The following MOCS2 variants were observed in gnomAD, a reference collection of about 807,000 sequenced individuals.
MOCS2 encodes molybdenum cofactor synthesis 2, also known as molybdopterin synthase catalytic subunit.
MOCS2 carries 13 observed loss-of-function variants against 21.9 expected under a neutral mutation model. The ratio of observed to expected loss-of-function variants is 0.59; its 90% CI spans 0.39 to 0.94. The LOEUF is 0.94. Among genes scored for constraint, MOCS2 ranks in the 40% least tolerant of loss-of-function variants. MOCS2 has a pLI of 0.00. For synonymous variants in MOCS2, 92 were observed against 80.8 expected, an observed-to-expected ratio of 1.14 and a Z score of -0.74; for missense variants, 227 against 218.3, an observed-to-expected ratio of 1.04 and a Z score of -0.25.
chr5:53,107,015 C>T (rs1423668915), intron 3 of MOCS2, 62 bp downstream of exon 3: 51 of 1,583,230 alleles, frequency 3.2e-5, no homozygotes, highest in Admixed American at 5.1e-5. Flanking sequence ...AAACCACATA[C>T]ACTTTATCAT....
chr5:53,109,707 C>A lies in MOCS2; in HGVS notation c.-626G>T. On this transcript the variant is annotated 5_prime_UTR_variant, in exon 1 of 7. In the 5' UTR this introduces an upstream ATG that the reference lacks. Transcript: ENST00000396954. Reference sequence around the variant, plus strand: ...CAGGCCCGCACGCACACCCGCCACCCTTACCTGGCACAGCGGCACCATCCC... The same window carrying A: ...CAGGCCCGCACGCACACCCGCCACCATTACCTGGCACAGCGGCACCATCCC... 1 of 1,553,440 alleles carries A rather than the reference C, an allele frequency of 6.4e-7. No homozygotes were observed.
At chr5:53,106,532 A>T (rs1489286966) in intron 3 of MOCS2, among the ~76,000 whole-genome samples, 1 of 152,160 alleles carries the variant, frequency 6.6e-6, no homozygotes, top group East Asian at 1.9e-4. Context: ...GAAACCATAG[A>T]CACTGGAGCC....
intron 4 of MOCS2, 96 bp downstream of exon 4, chr5:53,102,001 G>A: frequency 7.5e-7 from 1 of 1,328,712 alleles, no homozygotes; most frequent in South Asian, 1.2e-5. Flanking sequence ...TTAAAGTTCA[G>A]TATTTCAAAC....
At chr5:53,099,872 C>T (rs1411005677) in intron 6 of MOCS2, among the ~76,000 whole-genome samples, 1 of 152,186 alleles carries the variant, frequency 6.6e-6, no homozygotes, top group African/African-American at 2.4e-5. Flanking sequence ...TGGGCCTTTT[C>T]ATCCCATCAG....
intron 3 of MOCS2, among the ~76,000 whole-genome samples, chr5:53,106,476 C>T (rs148075025): frequency 1.5e-4 from 23 of 152,226 alleles, no homozygotes; most frequent in Non-Finnish European, 3.2e-4. Context: ...AACGTTCTCA[C>T]TTACAAGTGG....
Position 53,101,373 on chromosome 5 carries a change from C to T in MOCS2, c.363G>A (p.Val121=). Residue 121 remains valine, a synonymous_variant, in exon 5 of 7, where the codon GTG becomes GTA. Transcript: ENST00000396954. ...GGAAATCATACCCAAGTCTATGGAA[C>T]ACTGCTATGTGTTTGACTGGCCATT... ...RQKWPVKHIA[V]FHRLGLVPVS... is the part of the protein sequence containing the mutation. 5.0e-6 allele frequency: 8 copies of T among 1,613,854 alleles called. No homozygotes were observed. In the South Asian group the frequency reaches 8.8e-5, roughly 18 times the overall value.
At chr5:53,098,859 T>C (rs1291767624) in intron 6 of MOCS2, 192 bp from the exon 7 acceptor site, 1 of 603,274 alleles carries the variant, frequency 1.7e-6, no homozygotes, top group African/African-American at 1.9e-5. Context: ...TAAACATTTT[T>C]TTTTCTTTCC....
chr5:53,101,391 T>C lies in MOCS2; in HGVS notation c.345A>G (p.Pro115=), dbSNP rs775202155. The change falls in exon 5 of 7, where the codon CCA becomes CCG. Residue 115 remains proline, a synonymous_variant. Coordinates refer to ENST00000396954, the MANE Select transcript of MOCS2 (RefSeq NM_004531.5). ...KICSDIRQKW[P]VKHIAVFHRL... ...TATGGAACACTGCTATGTGTTTGAC[T>C]GGCCATTTCTGCCTAATGTCACTAC... The C allele has an allele frequency of 5.0e-6, 8 of 1,613,862 alleles. No individual in the cohort carries two copies. The highest frequency in any genetic ancestry group is 5.9e-6 in the Non-Finnish European group (7 of 1,179,946).
intron 6 of MOCS2, among the ~76,000 whole-genome samples, chr5:53,099,922 C>G (rs1038841035): frequency 2.6e-5 from 4 of 152,276 alleles, no homozygotes; most frequent in East Asian, 1.9e-4. Context: ...CCCTTATTGA[C>G]AGAAAACATG....
At position 53,109,491 on chromosome 5, in the gene MOCS2, G is replaced by A; in HGVS notation, c.-410C>T. ...TGCCGTGAGCTGACAAGAGTTCTCG[G>A]AGAGGACCCGACTTCTGCTGGGGCA... is the stretch of plus-strand genomic sequence containing the variant. On this transcript the variant is annotated 5_prime_UTR_variant, in exon 1 of 7. Transcript: ENST00000396954. 1 of 1,329,080 alleles carries A rather than the reference G, an allele frequency of 7.5e-7. No individual in the cohort carries two copies. Among genetic ancestry groups the A allele is most frequent in the Non-Finnish European group, 9.6e-7 (1 of 1,042,380 alleles). The allele number at this position is 1,329,080 out of a possible 1,614,324, so 82.3% of individuals were successfully genotyped here. A position where few individuals can be genotyped will look rare whatever the true frequency, so the allele number is the denominator to read the frequency against.
At chr5:53,101,277 T>C (rs1396148510) in intron 5 of MOCS2, 82 bp downstream of exon 5, 3 of 1,375,150 alleles carry the variant, frequency 2.2e-6, no homozygotes, top group Non-Finnish European at 3.1e-6. Flanking sequence ...ATAGAATTAC[T>C]AAGAAAGATT....
intron 3 of MOCS2, among the ~76,000 whole-genome samples, chr5:53,105,478 G>A (rs114966394): frequency 0.033 from 5,084 of 152,236 alleles, 131 homozygotes; most frequent in East Asian, 0.074. Context: ...ATGGGGAAAG[G>A]ATACCCTATT....
rs78846816 is a variant in MOCS2 at position 53,108,923 on chromosome 5, T to A, written c.-169-280A>T. Among the ~76,000 whole-genome samples the A allele has an allele frequency of 0.14, 21,804 of 152,180 alleles. 1,657 individuals are homozygous for A. Among genetic ancestry groups the A allele is most frequent in the Middle Eastern group, 0.2 (58 of 294 alleles). Reference sequence around the variant, plus strand: ...TAAGTATTTATCTTCTAGGAAAACATGTTAAGCCTGCCTTAATTGACATAA... The same window carrying A: ...TAAGTATTTATCTTCTAGGAAAACAAGTTAAGCCTGCCTTAATTGACATAA... On this transcript the variant is annotated intron_variant, in intron 1 of 6. Transcript: ENST00000396954.
At chr5:53,106,559 G>A (rs997681459) in intron 3 of MOCS2, among the ~76,000 whole-genome samples, 8 of 152,164 alleles carry the variant, frequency 5.3e-5, no homozygotes, top group African/African-American at 1.9e-4. Flanking sequence ...AGGGTGGAGG[G>A]TGGGAGGAGG....
In MOCS2 at chr5:53,096,016, C is replaced by T. The variant is rs1297275151; in HGVS notation, c.*2586G>A. The stretch of plus-strand genomic sequence containing the variant: ...TACAGCCTGACTTTAAAGAAAATGG[C>T]TACTAAACTGAACTTTTGGTTCTAT... On this transcript the variant is annotated 3_prime_UTR_variant, in exon 7 of 7. Coordinates refer to ENST00000396954, the MANE Select transcript of MOCS2 (RefSeq NM_004531.5). 6.6e-6 allele frequency: 1 copy of T among 152,146 alleles called. No homozygotes were observed. Among genetic ancestry groups the T allele is most frequent in the Non-Finnish European group, 1.5e-5 (1 of 68,024 alleles). 9.4% of individuals were successfully genotyped at this position (152,146 alleles called of 1,614,324 possible).
chr5:53,108,539 T>C lies in MOCS2; in HGVS notation c.-65A>G, dbSNP rs202133595. The C allele has an allele frequency of 7.4e-6, 12 of 1,613,572 alleles. No homozygotes were observed. Among genetic ancestry groups the C allele is most frequent in the Non-Finnish European group, 1.0e-5 (12 of 1,179,742 alleles). On this transcript the variant is annotated 5_prime_UTR_variant, in exon 2 of 7. It adds an upstream start codon to the 5' untranslated region. Transcript: ENST00000396954. ...TTAACTACCCAGGATGTCGAGTTTC[T>C]ATCTCCTTCCACAGCTGCAACGCTT... is the stretch of plus-strand genomic sequence containing the variant.
At chr5:53,109,096 C>T (rs1052450792) in intron 1 of MOCS2, among the ~76,000 whole-genome samples, 155 bp downstream of exon 1, 2 of 152,192 alleles carry the variant, frequency 1.3e-5, no homozygotes, top group African/African-American at 4.8e-5. Context: ...TGTATAACAT[C>T]GTCCCCAGAC....
Position 53,102,147 on chromosome 5 carries a change from ACTT to A in MOCS2, c.173_175del (p.Glu58del). The A allele has an allele frequency of 6.2e-7, 1 of 1,613,734 alleles. No homozygotes were observed. Among genetic ancestry groups the A allele is most frequent in the Non-Finnish European group, 8.5e-7 (1 of 1,179,732 alleles). On this transcript the variant is annotated inframe_deletion, in exon 4 of 7. Transcript: ENST00000396954. ...GAGCGGAGAAATCACCAACTGTGAG[ACTT>A]CATCTACTGAAAGTTTCTCGGCAGT...
At chr5:53,104,821 A>G (rs1275887273) in intron 3 of MOCS2, among the ~76,000 whole-genome samples, 3 of 152,200 alleles carry the variant, frequency 2.0e-5, no homozygotes. Context: ...ATTTTGAATA[A>G]AAATCCTATC....
Sources: allele counts gnomAD v4.1 joint callset (sites outside exome capture counted in the v4.1 genomes callset), GRCh38; gene constraint gnomAD v4.1.1; transcripts MANE v1.5; gene names NCBI Gene and HGNC (gene_info 2026-07-23, HGNC 2026-07-21).